ARHGAP15: variants seen among roughly 807,000 people sequenced by gnomAD.
The protein encoded by ARHGAP15 is Rho GTPase activating protein 15.
A neutral mutation model predicts 63.7 loss-of-function variants in ARHGAP15; 51 were observed. The ratio of observed to expected loss-of-function variants is 0.80; its 90% CI spans 0.64 to 1.01. The LOEUF is 1.01. Among genes scored for constraint, ARHGAP15 ranks in the 50% least tolerant of loss-of-function variants. The pLI, the probability that ARHGAP15 is intolerant of heterozygous loss-of-function variation, is 0.00. For synonymous variants in ARHGAP15, 191 were observed against 193.8 expected, an observed-to-expected ratio of 0.99 and a Z score of 0.12; for missense variants, 560 against 564.6, an observed-to-expected ratio of 0.99 and a Z score of 0.08.
At chr2:143,489,376 T>C (rs971513888) in intron 9 of ARHGAP15, among the ~76,000 whole-genome samples, 3 of 152,238 alleles carry the variant, frequency 2.0e-5, no homozygotes, top group African/African-American at 7.2e-5. Flanking sequence ...TATTCATTAG[T>C]AGGGCTATGG....
chr2:143,722,172 AACACAC>A (rs758357420), intron 13 of ARHGAP15, among the ~76,000 whole-genome samples: 3 of 150,698 alleles, frequency 2.0e-5, no homozygotes, highest in Admixed American at 6.6e-5. Context: ...CTTGAAAAGA[AACACAC>A]ACACACACAC....
At chr2:143,542,078 G>A (rs974214395) in intron 10 of ARHGAP15, among the ~76,000 whole-genome samples, 5 of 152,168 alleles carry the variant, frequency 3.3e-5, no homozygotes, top group East Asian at 1.9e-4. Context: ...GAGCAATTGC[G>A]GGCACCCCTC....
intron 8 of ARHGAP15, among the ~76,000 whole-genome samples, chr2:143,481,754 A>G (rs2105215077): frequency 6.6e-6 from 1 of 152,330 alleles, no homozygotes; most frequent in Non-Finnish European, 1.5e-5. Flanking sequence ...TGTGTCAGGT[A>G]TAACACTTGT....
chr2:143,323,528 C>T (rs78446229), intron 6 of ARHGAP15, among the ~76,000 whole-genome samples: 7,118 of 152,242 alleles, frequency 0.047, 464 homozygotes, highest in Admixed American at 0.2. Flanking sequence ...AGGAAATTTA[C>T]TTCAACATTG....
intron 9 of ARHGAP15, among the ~76,000 whole-genome samples, chr2:143,505,680 A>G (rs919152604): frequency 8.5e-5 from 13 of 152,228 alleles, no homozygotes; most frequent in Non-Finnish European, 1.9e-4. Flanking sequence ...TCACACCTCC[A>G]TGGAACTAGC....
intron 2 of ARHGAP15, among the ~76,000 whole-genome samples, chr2:143,178,418 A>G (rs949248341): frequency 6.6e-6 from 1 of 152,222 alleles, no homozygotes; most frequent in Non-Finnish European, 1.5e-5. Context: ...TCAGTTTTAA[A>G]GAACTCATTA....
chr2:143,590,708 C>T (rs1224637378), intron 11 of ARHGAP15, among the ~76,000 whole-genome samples: 1 of 152,024 alleles, frequency 6.6e-6, no homozygotes, highest in East Asian at 1.9e-4. Flanking sequence ...TAGTAGACTA[C>T]AAGATACTTG....
intron 11 of ARHGAP15, among the ~76,000 whole-genome samples, chr2:143,617,036 C>A (rs543566730): frequency 1.5e-4 from 23 of 152,272 alleles, no homozygotes; most frequent in African/African-American, 5.3e-4. Flanking sequence ...TGATTTTATT[C>A]TTTCTCTGGA....
chr2:143,281,203 C>T (rs1327301509), intron 6 of ARHGAP15, among the ~76,000 whole-genome samples: 7 of 152,096 alleles, frequency 4.6e-5, no homozygotes, highest in Non-Finnish European at 1.0e-4. Flanking sequence ...GTTGACTACT[C>T]TGCTACACAT....
chr2:143,188,701 ACCTCTG>A (rs1389366347), intron 2 of ARHGAP15, among the ~76,000 whole-genome samples: 1 of 151,344 alleles, frequency 6.6e-6, no homozygotes, highest in Non-Finnish European at 1.5e-5. Flanking sequence ...GCTCACTGCA[ACCTCTG>A]CCTCCCAGGT....
At chr2:143,703,637 C>A in intron 13 of ARHGAP15, 113 bp downstream of exon 13, 1 of 754,958 alleles carries the variant, frequency 1.3e-6, no homozygotes, top group Non-Finnish European at 2.1e-6. Flanking sequence ...CTCGTATTTT[C>A]CCTTGTAGCT....
chr2:143,500,922 G>A (rs1286303986), intron 9 of ARHGAP15, among the ~76,000 whole-genome samples: 1 of 152,170 alleles, frequency 6.6e-6, no homozygotes, highest in Non-Finnish European at 1.5e-5. Flanking sequence ...TGAGACAGGA[G>A]GGAGATTTTA....
At chr2:143,277,249 A>G (rs907706012) in intron 6 of ARHGAP15, among the ~76,000 whole-genome samples, 1 of 151,902 alleles carries the variant, frequency 6.6e-6, no homozygotes, top group Non-Finnish European at 1.5e-5. Context: ...CATTTGTTGC[A>G]CACTCCTCAG....
chr2:143,538,949 G>C (rs1468171842), intron 10 of ARHGAP15, among the ~76,000 whole-genome samples: 1 of 152,204 alleles, frequency 6.6e-6, no homozygotes, highest in African/African-American at 2.4e-5. Flanking sequence ...AGTTTCAGAA[G>C]GAATGGTACC....
At chr2:143,217,663 C>A (rs1189712452) in intron 4 of ARHGAP15, among the ~76,000 whole-genome samples, 1 of 152,092 alleles carries the variant, frequency 6.6e-6, no homozygotes, top group Non-Finnish European at 1.5e-5. Flanking sequence ...GTAGCCCAGC[C>A]CGAGTGCTCT....
chr2:143,421,627 T>A (rs747727498), intron 6 of ARHGAP15, among the ~76,000 whole-genome samples: 49 of 151,636 alleles, frequency 3.2e-4, no homozygotes, highest in Non-Finnish European at 4.7e-4. Context: ...CATTTTTAAA[T>A]GAAATCAATT....
chr2:143,542,090 C>T (rs946536788), intron 10 of ARHGAP15, among the ~76,000 whole-genome samples: 2 of 152,216 alleles, frequency 1.3e-5, no homozygotes, highest in Non-Finnish European at 2.9e-5. Flanking sequence ...GCACCCCTCC[C>T]CCAGCCTCGC....
intron 6 of ARHGAP15, among the ~76,000 whole-genome samples, chr2:143,375,008 A>G (rs1205125412): frequency 6.6e-6 from 1 of 152,246 alleles, no homozygotes; most frequent in African/African-American, 2.4e-5. Context: ...AGTGGGATCC[A>G]TATTTGTAAA....
chr2:143,587,022 G>T (rs1220818674), intron 11 of ARHGAP15, among the ~76,000 whole-genome samples: 2 of 151,552 alleles, frequency 1.3e-5, no homozygotes, highest in Non-Finnish European at 2.9e-5. Flanking sequence ...TTCCTCTTTG[G>T]CACTGTTCCT....
Sources: gnomAD v4.1 joint callset for allele counts (sites outside exome capture counted in the v4.1 genomes callset) on GRCh38, gnomAD v4.1.1 for gene constraint, MANE v1.5 for transcripts, NCBI Gene and HGNC (gene_info 2026-07-23, HGNC 2026-07-21) for gene names.